The following RASAL1 variants were observed in gnomAD, a reference collection of about 807,000 sequenced individuals.
RASAL1 encodes rasGAP-activating-like protein 1.
RASAL1 carries 72 observed loss-of-function variants against 96.6 expected under a neutral mutation model. The observed-to-expected ratio is 0.75, with a 90% confidence interval of 0.62 to 0.91. The LOEUF is 0.91. RASAL1 is among the 40% of genes least tolerant of loss of function. The pLI, the probability that RASAL1 is intolerant of heterozygous loss-of-function variation, is 0.00. For synonymous variants in RASAL1, 405 were observed against 430.4 expected (o/e 0.94, Z 0.73); for missense variants, 1,016 against 1,072.5 (o/e 0.95, Z 0.74).
chr12:113,111,663 G>A lies in RASAL1; in HGVS notation c.1374+423C>T, dbSNP rs1370595555. Reference sequence around the variant, plus strand: ...GTCTGGAGTGCAGTGGCGCAATCTCGGCTCACTGCAACCTCTGTCTCCTGG... The same window carrying A: ...GTCTGGAGTGCAGTGGCGCAATCTCAGCTCACTGCAACCTCTGTCTCCTGG... On this transcript the variant is annotated intron_variant, in intron 13 of 20. Transcript: ENST00000548055. 2.0e-5 allele frequency among the ~76,000 whole-genome samples: 3 copies of A among 152,022 alleles called. No homozygotes were observed. In the South Asian group the frequency reaches 6.2e-4, roughly 32 times the overall value.
At chr12:113,114,564 G>A (rs983367017) in intron 12 of RASAL1, among the ~76,000 whole-genome samples, 3 of 152,148 alleles carry the variant, frequency 2.0e-5, no homozygotes, top group Non-Finnish European at 4.4e-5. Flanking sequence ...CACCAGTAGT[G>A]GCAAAGCTAA....
upstream of RASAL1, among the ~76,000 whole-genome samples, chr12:113,136,563 C>T (rs1212287771): frequency 6.6e-6 from 1 of 152,222 alleles, no homozygotes; most frequent in East Asian, 1.9e-4. Flanking sequence ...TCCAGGGGTT[C>T]GAATCCTGGC....
In RASAL1 at chr12:113,104,309, G is replaced by A. The variant is rs1262654307; in HGVS notation, c.1831-11C>T. 1.3e-6 allele frequency: 2 copies of A among 1,553,486 alleles called. No individual in the cohort carries two copies. The highest frequency in any genetic ancestry group is 1.9e-5 in the Admixed American group (1 of 51,476). ...GATGGAGTGACACATCTGGGGAAGA[G>A]GATTGTCGCTGCAGGATGGGCTGGG... On this transcript the variant is annotated splice_polypyrimidine_tract_variant and intron_variant, in intron 16 of 20. Transcript: ENST00000548055.
intron 13 of RASAL1, among the ~76,000 whole-genome samples, chr12:113,109,774 T>C (rs1950802894): frequency 6.6e-6 from 1 of 152,116 alleles, no homozygotes. Flanking sequence ...TTCCCCTCCA[T>C]CTGGAGCCCT....
intron 13 of RASAL1, among the ~76,000 whole-genome samples, chr12:113,111,670 T>C (rs1950869157): frequency 6.6e-6 from 1 of 152,194 alleles, no homozygotes; most frequent in Non-Finnish European, 1.5e-5. Context: ...CTCGGCTCAC[T>C]GCAACCTCTG....
chr12:113,110,272 C>T (rs1950820443), intron 13 of RASAL1, among the ~76,000 whole-genome samples: 1 of 152,306 alleles, frequency 6.6e-6, no homozygotes, highest in Non-Finnish European at 1.5e-5. Flanking sequence ...AAGTGTTTTG[C>T]CTCTCTGGGC....
intron 1 of RASAL1, among the ~76,000 whole-genome samples, chr12:113,134,734 G>A (rs1951847857): frequency 6.6e-6 from 1 of 152,158 alleles, no homozygotes; most frequent in South Asian, 2.1e-4. Flanking sequence ...AGTAGTGAAG[G>A]GAGCCGTAGG....
At chr12:113,102,296 G>T (rs189190190) in intron 18 of RASAL1, among the ~76,000 whole-genome samples, 1 of 152,274 alleles carries the variant, frequency 6.6e-6, no homozygotes, top group African/African-American at 2.4e-5. Flanking sequence ...GGTGGCTCAC[G>T]CCTGTAATCC....
At position 113,121,531 on chromosome 12, in the gene RASAL1, G is replaced by A. The variant is rs961416895; in HGVS notation, c.406C>T (p.Arg136Cys). Reference sequence around the variant, plus strand: ...TACCTGGCCTGAAGCACATGGCAGCGAAGGCAGCGGCCCTGCCCATCCTCC... The same window carrying A: ...TACCTGGCCTGAAGCACATGGCAGCAAAGGCAGCGGCCCTGCCCATCCTCC... Reference protein sequence around the residue: ...MLEDGQGRCLRCHVLQARDLA... With the variant: ...MLEDGQGRCLCCHVLQARDLA... Residue 136 changes from arginine (R) to cysteine (C), a missense_variant, in exon 5 of 21, where the codon CGC becomes TGC. Coordinates refer to ENST00000548055, the MANE Select transcript of RASAL1 (RefSeq NM_001301202.2). The A allele has an allele frequency of 5.0e-6, 8 of 1,614,034 alleles. No individual in the cohort carries two copies. Among genetic ancestry groups the A allele is most frequent in the African/African-American group, 1.3e-5 (1 of 74,912 alleles).
At chr12:113,104,130 C>T (rs745963308) in intron 17 of RASAL1, 31 bp downstream of exon 17, 11 of 1,591,598 alleles carry the variant, frequency 6.9e-6, no homozygotes, top group South Asian at 2.2e-5. Context: ...CAGAGGGACG[C>T]CCCCCGCTCC....
At chr12:113,123,353 A>G (rs1263491473) in intron 4 of RASAL1, among the ~76,000 whole-genome samples, 1 of 152,100 alleles carries the variant, frequency 6.6e-6, no homozygotes, top group African/African-American at 2.4e-5. Flanking sequence ...ACTCTGGGAA[A>G]CCTAAGTGAA....
At position 113,109,069 on chromosome 12, in the gene RASAL1, T is replaced by C. The variant is rs528957259; in HGVS notation, c.1375-847A>G. Among the ~76,000 whole-genome samples the C allele has an allele frequency of 6.3e-5, 9 of 143,208 alleles. No homozygotes were observed. The East Asian group carries it at 1.6e-3, about 26-fold the overall frequency. The allele number at this position is 143,208 out of a possible 152,430, so 94.0% of individuals were successfully genotyped here. A position where few individuals can be genotyped will look rare whatever the true frequency, so the allele number is the denominator to read the frequency against. The stretch of plus-strand genomic sequence containing the variant: ...TTTTTTTTTTTTTTTTTAGTAGAGA[T>C]GGGGTTTTACCATGTTGGCCAGGCT... On this transcript the variant is annotated intron_variant, in intron 13 of 20. Coordinates refer to ENST00000548055, the MANE Select transcript of RASAL1 (RefSeq NM_001301202.2).
chr12:113,105,621 A>C, intron 16 of RASAL1, 93 bp downstream of exon 16: 1 of 1,359,258 alleles, frequency 7.4e-7, no homozygotes, highest in Non-Finnish European at 1.0e-6. Flanking sequence ...GCCTTGCCCC[A>C]CTGTGGGCCT....
intron 4 of RASAL1, among the ~76,000 whole-genome samples, chr12:113,124,150 G>A (rs755058374): frequency 8.6e-5 from 13 of 151,290 alleles, no homozygotes; most frequent in Non-Finnish European, 1.6e-4. Context: ...ACTGGAAGGC[G>A]GAGGTTGCAG....
In RASAL1 at chr12:113,105,711, C is replaced by T. The variant is rs767004162; in HGVS notation, c.1830+3G>A. ...AGCCCTCCATAGTGGACTGGAACCC[C>T]ACCTGCCACTCAGGACTCTTGGAGA... is the stretch of plus-strand genomic sequence containing the variant. On this transcript the variant is annotated splice_donor_region_variant and intron_variant, in intron 16 of 20. Coordinates refer to ENST00000548055, the MANE Select transcript of RASAL1 (RefSeq NM_001301202.2). The T allele has an allele frequency of 6.2e-7, 1 of 1,600,662 alleles. No homozygotes were observed. The highest frequency in any genetic ancestry group is 1.1e-5 in the South Asian group (1 of 89,776).
At chr12:113,117,626 T>C (rs1039647235) in intron 7 of RASAL1, among the ~76,000 whole-genome samples, 3 of 152,168 alleles carry the variant, frequency 2.0e-5, no homozygotes, top group African/African-American at 7.2e-5. Context: ...ATTCAATGAT[T>C]TTTAGTATAT....
chr12:113,127,749 G>C, intron 4 of RASAL1, 63 bp downstream of exon 4: 1 of 1,409,154 alleles, frequency 7.1e-7, no homozygotes, highest in East Asian at 2.3e-5. Flanking sequence ...CATGTGCTAT[G>C]CCCCTGCAAA....
rs200200008 is a variant in RASAL1 at position 113,102,004 on chromosome 12, C to T, written c.2110G>A (p.Gly704Ser). The stretch of plus-strand genomic sequence containing the variant: ...ACAGCTGAGTGTGTACGGCTGCAGC[C>T]GGCGGCTGAGGGAACACAGCTTCAT... ...CCLQAERSAA[G>S]CSRTHSAVTL... is the part of the protein sequence containing the mutation. The change falls in exon 19 of 21, where the codon GGC becomes AGC. Residue 704 changes from glycine to serine, a missense_variant. Physicochemically the swap from Gly to Ser is moderately conservative, Grantham distance 56 (BLOSUM62 0). Coordinates refer to ENST00000548055, the MANE Select transcript of RASAL1 (RefSeq NM_001301202.2). 6.5e-5 allele frequency: 105 copies of T among 1,613,348 alleles called. No homozygotes were observed. In the East Asian group the frequency reaches 2.1e-3, roughly 32 times the overall value.
intron 15 of RASAL1, among the ~76,000 whole-genome samples, 156 bp downstream of exon 15, chr12:113,106,941 C>G (rs1419173462): frequency 6.6e-6 from 1 of 152,230 alleles, no homozygotes; most frequent in East Asian, 1.9e-4. Context: ...CTGTTCATCT[C>G]TGGGGCCTAG....
Sources: allele counts gnomAD v4.1 joint callset (sites outside exome capture counted in the v4.1 genomes callset), GRCh38; gene constraint gnomAD v4.1.1; transcripts MANE v1.5; gene names NCBI Gene and HGNC (gene_info 2026-07-23, HGNC 2026-07-21).